The following CCDC57 variants were observed in gnomAD, a reference collection of about 807,000 sequenced individuals.
CCDC57 encodes coiled-coil domain containing 57, also known as coiled-coil domain-containing protein 57.
In CCDC57, 118 loss-of-function variants were observed where a neutral mutation model predicts 118.9. That is an observed-to-expected ratio of 0.99 (90% confidence interval 0.86 to 1.16). CCDC57 has a LOEUF of 1.16. CCDC57 is among the 50% of genes most tolerant of loss of function. The pLI is 0.00. For synonymous variants in CCDC57, 527 were observed against 532.9 expected (o/e 0.99, Z 0.15); for missense variants, 1,300 against 1,320.7 (o/e 0.98, Z 0.24).
At chr17:82,138,387 A>C (rs1289644856) in intron 16 of CCDC57, among the ~76,000 whole-genome samples, 1 of 151,632 alleles carries the variant, frequency 6.6e-6, no homozygotes, top group African/African-American at 2.4e-5. Context: ...TGACCTCGTG[A>C]TCTACCTGCC....
chr17:82,189,990 A>G (rs985166939), intron 7 of CCDC57, among the ~76,000 whole-genome samples: 4 of 152,128 alleles, frequency 2.6e-5, no homozygotes, highest in Admixed American at 6.5e-5. Context: ...AGCCTGGGTG[A>G]TAAGAGTGAA....
At position 82,128,478 on chromosome 17, in the gene CCDC57, C is replaced by T. The variant is rs375542117; in HGVS notation, c.2682+15G>A. On this transcript the variant is annotated intron_variant, in intron 18 of 19. Coordinates refer to ENST00000665763, the Ensembl canonical transcript of CCDC57. ...CCCCACACAGCTGCACTTGCTCGGG[C>T]GCCGCCACTCTCACCTTCGGGCCTT... 7.4e-4 allele frequency: 1,133 copies of T among 1,532,768 alleles called. 3 individuals carry two copies. The highest frequency in any genetic ancestry group is 1.9e-3 in the Admixed American group (95 of 51,186). 94.9% of individuals were successfully genotyped at this position (1,532,768 alleles called of 1,614,324 possible).
At chr17:82,151,732 C>T (rs1256202153) in exon 16 of CCDC57, 11 of 1,550,326 alleles carry the variant, frequency 7.1e-6, no homozygotes, top group South Asian at 2.4e-5. Context: ...GGAAAAGCTC[C>T]CCCTGGTCCT....
exon 14 of CCDC57, chr17:82,163,356 T>C (rs1385041909): frequency 6.2e-7 from 1 of 1,613,822 alleles, no homozygotes; most frequent in Non-Finnish European, 8.5e-7. Flanking sequence ...GGGCAGACCC[T>C]CCTGCAGAGA....
chr17:82,105,456 T>C (rs896901186), intron 19 of CCDC57, among the ~76,000 whole-genome samples: 5 of 152,118 alleles, frequency 3.3e-5, no homozygotes, highest in African/African-American at 9.7e-5. Context: ...ACGGTGACAG[T>C]GAATGTGACT....
chr17:82,132,105 C>CCA (rs2038459792), intron 17 of CCDC57, among the ~76,000 whole-genome samples: 1 of 118,472 alleles, frequency 8.4e-6, no homozygotes, highest in African/African-American at 3.4e-5. Flanking sequence ...GGTGACAGAG[C>CCA]GAGACTCTGT....
rs2044892395 is a variant in CCDC57, at chr17:82,172,645, G to A, written c.1722C>T (p.Ala574=). 4 of 1,550,146 alleles carry A rather than the reference G, an allele frequency of 2.6e-6. No individual in the cohort carries two copies. Among genetic ancestry groups the A allele is most frequent in the Non-Finnish European group, 3.5e-6 (4 of 1,147,110 alleles). ...TTTCTCCCACTTACTCACCAGGAGT[G>A]GCGGCATCTCCCCCAGCCTCTGGGT... The change falls in exon 12 of 20, where the codon GCC becomes GCT. Residue 574 remains alanine (A), a synonymous_variant. Transcript: ENST00000665763. This position sits in a 1 kb window ranked among gnomAD's most constrained non-coding sequence, Gnocchi z 5.2.
intron 19 of CCDC57, among the ~76,000 whole-genome samples, chr17:82,106,958 A>T (rs2034890887): frequency 6.6e-6 from 1 of 152,150 alleles, no homozygotes; most frequent in South Asian, 2.1e-4. Context: ...GGTCACCGCC[A>T]TGTCCCCGGG....
intron 18 of CCDC57, 27 bp downstream of exon 17, chr17:82,128,466 C>T (rs1268706293): frequency 6.7e-7 from 1 of 1,501,422 alleles, no homozygotes; most frequent in African/African-American, 1.4e-5. Flanking sequence ...CACACAGCTG[C>T]ACTTGCTCGG....
chr17:82,193,505 C>T (rs1369675141), intron 7 of CCDC57, among the ~76,000 whole-genome samples: 2 of 151,006 alleles, frequency 1.3e-5, no homozygotes, highest in African/African-American at 4.9e-5. Flanking sequence ...AAGATCACAC[C>T]ACGGCAATCC....
At chr17:82,177,088 A>T (rs1400385227) in intron 11 of CCDC57, among the ~76,000 whole-genome samples, 2 of 152,040 alleles carry the variant, frequency 1.3e-5, no homozygotes, top group East Asian at 3.9e-4. Context: ...TCTACTAAAA[A>T]TACAAAATTA....
At chr17:82,150,238 A>T (rs71375079) in intron 16 of CCDC57, among the ~76,000 whole-genome samples, 1,048 of 59,228 alleles carry the variant, frequency 0.018, 1 homozygote, top group East Asian at 0.17. Context: ...CACACCCAGA[A>T]CCAGGCGCAC....
intron 16 of CCDC57, among the ~76,000 whole-genome samples, chr17:82,134,865 G>A (rs904844584): frequency 3.9e-5 from 6 of 151,982 alleles, no homozygotes; most frequent in Non-Finnish European, 5.9e-5. Context: ...TCAAAGCTTC[G>A]GCATGCTAGC....
At chr17:82,179,252 G>GAGGCACGATGGGAA (rs2045903923) in intron 9 of CCDC57, 63 bp from the exon 9 acceptor site, 2 of 1,547,234 alleles carry the variant, frequency 1.3e-6, no homozygotes, top group Non-Finnish European at 1.8e-6. Context: ...AGGAAAAGCA[G>GAGGCACGATGGGAA]AGGCACGATG....
chr17:82,142,803 C>A (rs571022385), intron 16 of CCDC57, among the ~76,000 whole-genome samples: 17 of 152,274 alleles, frequency 1.1e-4, no homozygotes, highest in Non-Finnish European at 1.9e-4. Flanking sequence ...GTATTCCGCA[C>A]ATTTGGTTTA....
chr17:82,134,593 A>C (rs1051132289), intron 16 of CCDC57, among the ~76,000 whole-genome samples: 2 of 152,194 alleles, frequency 1.3e-5, no homozygotes, highest in Non-Finnish European at 2.9e-5. Context: ...CAGGAGTTCG[A>C]GATCAGCCTG....
chr17:82,187,607 A>G (rs909843046), intron 8 of CCDC57, among the ~76,000 whole-genome samples: 4 of 3,880 alleles, frequency 1.0e-3, no homozygotes, highest in Admixed American at 3.1e-3. Context: ...CTCGGGGGGG[A>G]GCTGGCAGGG....
At chr17:82,146,211 C>T (rs1339161868) in intron 16 of CCDC57, among the ~76,000 whole-genome samples, 1 of 152,136 alleles carries the variant, frequency 6.6e-6, no homozygotes, top group Non-Finnish European at 1.5e-5. Context: ...GGCTGTCCCA[C>T]GTTGAATAAT....
At chr17:82,199,003 A>AG (rs1366441442) in intron 3 of CCDC57, among the ~76,000 whole-genome samples, 1 of 123,808 alleles carries the variant, frequency 8.1e-6, no homozygotes, top group Non-Finnish European at 1.7e-5. Context: ...AAAAAAAAAA[A>AG]AAAAAAGAAA....
Sources: gnomAD v4.1 joint callset for allele counts (sites outside exome capture counted in the v4.1 genomes callset) on GRCh38, gnomAD v4.1.1 for gene constraint, Gnocchi (gnomAD v3.1) non-coding constraint, MANE v1.5 for transcripts, NCBI Gene and HGNC (gene_info 2026-07-23, HGNC 2026-07-21) for gene names.